Variants in ROBO1 observed in about 807,000 individuals in gnomAD.
ROBO1 encodes the protein roundabout homolog 1.
In ROBO1, 149 loss-of-function variants were observed where a neutral mutation model predicts 195.9. That is an observed-to-expected ratio of 0.76 (90% CI 0.67 to 0.87). The LOEUF is 0.87. ROBO1 is among the 40% of genes least tolerant of loss of function. The pLI is 0.00. For missense variants in ROBO1, 1,933 were observed against 2,068.3 expected, an observed-to-expected ratio of 0.93 and a Z score of 1.27; for synonymous variants, 816 against 733.2, an observed-to-expected ratio of 1.11 and a Z score of -1.82.
chr3:79,621,992 C>T (rs1945023446), intron 1 of ROBO1, among the ~76,000 whole-genome samples: 1 of 152,100 alleles, frequency 6.6e-6, no homozygotes, highest in Non-Finnish European at 1.5e-5. Context: ...GTGAATTCTT[C>T]ACCAGCAACA....
At chr3:79,242,374 C>G (rs1356032044) in intron 2 of ROBO1, among the ~76,000 whole-genome samples, 1 of 152,058 alleles carries the variant, frequency 6.6e-6, no homozygotes, top group East Asian at 1.9e-4. Context: ...TATTAAGGGC[C>G]TGGGCCTCCT....
chr3:79,121,599 A>C (rs1287197255), intron 3 of ROBO1, among the ~76,000 whole-genome samples: 1 of 152,046 alleles, frequency 6.6e-6, no homozygotes, highest in East Asian at 1.9e-4. Context: ...TTAAATTGAC[A>C]GTGACAAAAC....
intron 4 of ROBO1, among the ~76,000 whole-genome samples, chr3:78,847,568 G>GT (rs1359802779): frequency 6.6e-6 from 1 of 152,142 alleles, no homozygotes; most frequent in Non-Finnish European, 1.5e-5. Flanking sequence ...TCAGAAAAAT[G>GT]TAAGACTTCC....
At chr3:78,996,372 C>T (rs2077367068) in intron 3 of ROBO1, among the ~76,000 whole-genome samples, 1 of 151,814 alleles carries the variant, frequency 6.6e-6, no homozygotes, top group Non-Finnish European at 1.5e-5. Flanking sequence ...TATCTCTATC[C>T]TTGGACAATC....
At chr3:79,414,752 A>G (rs1325822310) in intron 2 of ROBO1, among the ~76,000 whole-genome samples, 2 of 152,296 alleles carry the variant, frequency 1.3e-5, no homozygotes, top group Admixed American at 1.3e-4. Flanking sequence ...TAAATATGGG[A>G]AACTGGATCT....
At chr3:79,173,507 G>T in intron 2 of ROBO1, among the ~76,000 whole-genome samples, 1 of 152,040 alleles carries the variant, frequency 6.6e-6, no homozygotes, top group Non-Finnish European at 1.5e-5. Context: ...GTGTGCTGGG[G>T]CCCCCAGCAG....
chr3:78,800,366 A>G (rs944109980), intron 4 of ROBO1, among the ~76,000 whole-genome samples: 3 of 152,200 alleles, frequency 2.0e-5, no homozygotes, highest in African/African-American at 7.2e-5. Context: ...GCCTAATTAT[A>G]AAATAGAAGA....
chr3:79,293,432 G>A (rs1484430270), intron 2 of ROBO1, among the ~76,000 whole-genome samples: 1 of 152,052 alleles, frequency 6.6e-6, no homozygotes, highest in Non-Finnish European at 1.5e-5. Flanking sequence ...TTTTGAATTT[G>A]TTTGGTCTTG....
chr3:79,517,103 C>T (rs571266950), intron 2 of ROBO1, among the ~76,000 whole-genome samples: 2 of 152,266 alleles, frequency 1.3e-5, no homozygotes, highest in Middle Eastern at 3.4e-3. Flanking sequence ...AAAAATCATG[C>T]GCAGTCATTC....
chr3:79,162,606 T>C (rs2080989486), intron 2 of ROBO1, among the ~76,000 whole-genome samples: 1 of 152,164 alleles, frequency 6.6e-6, no homozygotes, highest in Admixed American at 6.6e-5. Context: ...TTTAGATTTC[T>C]GTAATAAAAT....
chr3:79,419,524 C>T (rs755535780), intron 2 of ROBO1, among the ~76,000 whole-genome samples: 13 of 152,060 alleles, frequency 8.5e-5, no homozygotes, highest in Admixed American at 6.6e-4. Context: ...CTCTCAGGAT[C>T]GCTCCCCGTT....
chr3:78,986,528 G>C (rs1559560801), intron 3 of ROBO1, among the ~76,000 whole-genome samples: 1 of 151,902 alleles, frequency 6.6e-6, no homozygotes, highest in South Asian at 2.1e-4. Flanking sequence ...TGTGTCCCAA[G>C]CTGATCAAAT....
At chr3:79,470,771 T>C (rs1015173032) in intron 2 of ROBO1, among the ~76,000 whole-genome samples, 17 of 152,126 alleles carry the variant, frequency 1.1e-4, no homozygotes, top group Admixed American at 2.0e-4. Flanking sequence ...GATGTGACTT[T>C]GCTCCTCATT....
chr3:79,680,059 G>T (rs1440576257), intron 1 of ROBO1, among the ~76,000 whole-genome samples: 1 of 151,978 alleles, frequency 6.6e-6, no homozygotes, highest in Non-Finnish European at 1.5e-5. Context: ...TATGCTACGT[G>T]CTCATCACTA....
intron 4 of ROBO1, among the ~76,000 whole-genome samples, chr3:78,884,087 G>T (rs2036353056): frequency 6.6e-6 from 1 of 152,098 alleles, no homozygotes; most frequent in Admixed American, 6.6e-5. Context: ...CTTTTCCTGT[G>T]TATTGCTGAC....
chr3:79,368,429 G>T (rs1176902285), intron 2 of ROBO1, among the ~76,000 whole-genome samples: 1 of 152,084 alleles, frequency 6.6e-6, no homozygotes, highest in East Asian at 1.9e-4. Flanking sequence ...AAAGAGAGTA[G>T]ACTGCCTGCA....
At chr3:79,550,841 G>T (rs1942483165) in intron 2 of ROBO1, among the ~76,000 whole-genome samples, 1 of 152,116 alleles carries the variant, frequency 6.6e-6, no homozygotes, top group South Asian at 2.1e-4. Context: ...CTTTGCTATG[G>T]TTTGAATGTG....
chr3:79,760,408 C>T (rs1194410663), intron 1 of ROBO1, among the ~76,000 whole-genome samples: 5 of 145,098 alleles, frequency 3.4e-5, no homozygotes, highest in Non-Finnish European at 6.0e-5. Context: ...CAGTGTATAT[C>T]ATATTTGAAA....
intron 4 of ROBO1, among the ~76,000 whole-genome samples, chr3:78,927,806 C>A (rs1396321524): frequency 6.6e-6 from 1 of 152,014 alleles, no homozygotes; most frequent in Non-Finnish European, 1.5e-5. Context: ...AGATGACTAA[C>A]CCAGGAGAAA....
Sources: allele counts gnomAD v4.1 joint callset (sites outside exome capture counted in the v4.1 genomes callset), GRCh38; gene constraint gnomAD v4.1.1; transcripts MANE v1.5; gene names NCBI Gene and HGNC (gene_info 2026-07-23, HGNC 2026-07-21).